Variants in ST6GAL2 observed in about 807,000 individuals in gnomAD.
The protein encoded by ST6GAL2 is ST6 beta-galactoside alpha-2,6-sialyltransferase 2.
ST6GAL2 carries 24 observed loss-of-function variants against 37.5 expected under a neutral mutation model. The ratio of observed to expected loss-of-function variants is 0.64; its 90% CI spans 0.46 to 0.90. The LOEUF (loss-of-function observed/expected upper bound fraction) is 0.90. Ranked by LOEUF, ST6GAL2 falls within the 40% of genes least tolerant of loss-of-function variation. ST6GAL2 has a pLI of 0.00. For missense variants in ST6GAL2, 715 were observed against 712.7 expected, an observed-to-expected ratio of 1.00 and a Z score of -0.04; for synonymous variants, 306 against 295.1, an observed-to-expected ratio of 1.04 and a Z score of -0.38.
intron 5 of ST6GAL2, among the ~76,000 whole-genome samples, chr2:106,807,931 A>C (rs1345056055): frequency 1.3e-5 from 2 of 152,046 alleles, no homozygotes; most frequent in African/African-American, 4.8e-5. Context: ...GCCTGAGTAC[A>C]TTTTATTCTT....
rs1319748824 is a variant in ST6GAL2, at chr2:106,843,350, C to A, written c.628G>T (p.Gly210Trp). The change falls in exon 2 of 6, where the codon GGG becomes TGG. Residue 210 changes from glycine to tryptophan, a missense_variant. Gly to Trp is a radical substitution (Grantham distance 184). Around this residue, in one of 3 missense-constraint regions of ST6GAL2, gnomAD observed 512 missense variants for 488.8 expected, o/e 1.05. Transcript: ENST00000409382. ...SRAFLYRLWKGNVSSKMLNPR... is the reference protein window; with the variant it reads ...SRAFLYRLWKWNVSSKMLNPR... The stretch of plus-strand genomic sequence containing the variant: ...TTCAGCATTTTGGAAGAGACGTTCC[C>A]CTTCCAGAGCCGGTACAGGAAGGCC... 6.2e-7 allele frequency: 1 copy of A among 1,614,014 alleles called. No homozygotes were observed. The highest frequency in any genetic ancestry group is 2.2e-5 in the East Asian group (1 of 44,848).
intron 5 of ST6GAL2, among the ~76,000 whole-genome samples, chr2:106,828,704 A>AGG (rs1370769373): frequency 6.6e-6 from 1 of 152,164 alleles, no homozygotes; most frequent in Non-Finnish European, 1.5e-5. Flanking sequence ...AGAAAGGAAA[A>AGG]GGGGTGTAAA....
intron 5 of ST6GAL2, among the ~76,000 whole-genome samples, chr2:106,807,954 T>C (rs1303433198): frequency 1.3e-5 from 2 of 152,174 alleles, no homozygotes; most frequent in African/African-American, 2.4e-5. Context: ...TCTAGACTAA[T>C]GGCTTTCTTT....
chr2:106,864,564 C>T (rs975069042), intron 1 of ST6GAL2, among the ~76,000 whole-genome samples: 1 of 152,184 alleles, frequency 6.6e-6, no homozygotes, highest in Admixed American at 6.5e-5. Flanking sequence ...GTAACAAATA[C>T]CTGGATTCAG....
At chr2:106,832,818 T>C (rs1255590200) in intron 3 of ST6GAL2, 152 bp from the exon 4 acceptor site, 4 of 671,510 alleles carry the variant, frequency 6.0e-6, no homozygotes, top group Non-Finnish European at 8.1e-6. Flanking sequence ...AGGCAGGCGT[T>C]GCATGCAGAA....
intron 1 of ST6GAL2, among the ~76,000 whole-genome samples, chr2:106,847,186 C>A (rs1159982504): frequency 6.6e-6 from 1 of 152,144 alleles, no homozygotes; most frequent in Non-Finnish European, 1.5e-5. Flanking sequence ...TGTACAATTG[C>A]TATAAAAGTT....
At chr2:106,864,113 A>G (rs868807689) in intron 1 of ST6GAL2, among the ~76,000 whole-genome samples, 1 of 152,204 alleles carries the variant, frequency 6.6e-6, no homozygotes, top group Non-Finnish European at 1.5e-5. Context: ...ACCGCATTCC[A>G]CAGAAACAAT....
intron 1 of ST6GAL2, among the ~76,000 whole-genome samples, chr2:106,871,006 C>T (rs553392358): frequency 1.8e-4 from 27 of 152,164 alleles, no homozygotes; most frequent in African/African-American, 2.4e-4. Context: ...GCAATTTCAT[C>T]GTTGTATGAA....
rs1342594627 is a variant in ST6GAL2 at position 106,834,332 on chromosome 2, C to A, written c.944-186G>T. The A allele has an allele frequency of 7.0e-6, 4 of 568,594 alleles. No homozygotes were observed. The East Asian group carries it at 1.2e-4, about 17-fold the overall frequency. 35.2% of individuals were successfully genotyped at this position (568,594 alleles called of 1,614,324 possible). On this transcript the variant is annotated intron_variant, in intron 2 of 5. Transcript: ENST00000409382. ...AGAATGAGATCTTGGCTGGAGGAAA[C>A]ATCAATATGGATATATATAGATGTA...
At chr2:106,831,736 T>C (rs1573234960) in intron 4 of ST6GAL2, among the ~76,000 whole-genome samples, 1 of 152,128 alleles carries the variant, frequency 6.6e-6, no homozygotes, top group East Asian at 1.9e-4. Flanking sequence ...ATGCTCCTTC[T>C]CCAGGAGCCG....
chr2:106,839,282 TG>T (rs1184433073), intron 2 of ST6GAL2, among the ~76,000 whole-genome samples: 1 of 152,094 alleles, frequency 6.6e-6, no homozygotes, highest in Non-Finnish European at 1.5e-5. Flanking sequence ...CATATGATGC[TG>T]GGCCTTCAGC....
chr2:106,844,637 G>C (rs1401668010), intron 1 of ST6GAL2, among the ~76,000 whole-genome samples: 1 of 152,208 alleles, frequency 6.6e-6, no homozygotes, highest in Non-Finnish European at 1.5e-5. Context: ...CAGTGACTGT[G>C]TCTGTGGGTG....
intron 5 of ST6GAL2, chr2:106,813,251 A>T: frequency 7.6e-7 from 1 of 1,309,430 alleles, no homozygotes; most frequent in Non-Finnish European, 9.8e-7. Flanking sequence ...TTTGAAGAAA[A>T]TAAGTATTAG....
At chr2:106,868,506 T>C (rs1411517692) in intron 1 of ST6GAL2, among the ~76,000 whole-genome samples, 2 of 152,196 alleles carry the variant, frequency 1.3e-5, no homozygotes, top group African/African-American at 2.4e-5. Context: ...AGGTCATAAA[T>C]TTTTAGAACC....
chr2:106,885,614 A>G (rs573104333), intron 1 of ST6GAL2, among the ~76,000 whole-genome samples: 119 of 152,190 alleles, frequency 7.8e-4, no homozygotes, highest in African/African-American at 2.7e-3. Context: ...TGCATCAAAT[A>G]TCCACTCCGT....
intron 2 of ST6GAL2, among the ~76,000 whole-genome samples, chr2:106,835,172 G>C (rs1260040465): frequency 6.6e-6 from 1 of 152,200 alleles, no homozygotes. Context: ...TTTTCTAAGG[G>C]CCATCTTTAG....
At chr2:106,841,882 T>C (rs1039884974) in intron 2 of ST6GAL2, among the ~76,000 whole-genome samples, 6 of 152,224 alleles carry the variant, frequency 3.9e-5, no homozygotes, top group African/African-American at 7.2e-5. Context: ...GAAATAGTGA[T>C]GGCTAATGTT....
At chr2:106,845,478 G>A (rs1242709664) in intron 1 of ST6GAL2, among the ~76,000 whole-genome samples, 3 of 152,206 alleles carry the variant, frequency 2.0e-5, no homozygotes, top group African/African-American at 7.2e-5. Flanking sequence ...ATTCTGAGGG[G>A]AGGGTCTGCC....
At chr2:106,864,906 A>G (rs1381914288) in intron 1 of ST6GAL2, among the ~76,000 whole-genome samples, 1 of 152,200 alleles carries the variant, frequency 6.6e-6, no homozygotes, top group African/African-American at 2.4e-5. Context: ...GTGTGCTATT[A>G]AATGTTTTAC....
Sources: allele counts gnomAD v4.1 joint callset (sites outside exome capture counted in the v4.1 genomes callset), GRCh38; gene constraint gnomAD v4.1.1; regional missense constraint gnomAD v4.1.1; transcripts MANE v1.5; gene names NCBI Gene and HGNC (gene_info 2026-07-23, HGNC 2026-07-21).